The following RBMS3 variants were observed in gnomAD, a reference collection of about 807,000 sequenced individuals.
RBMS3 encodes RNA-binding motif, single-stranded-interacting protein 3.
RBMS3 carries 27 observed loss-of-function variants against 66.8 expected under a neutral mutation model. That is an observed-to-expected ratio of 0.40 (90% CI 0.30 to 0.56). RBMS3 has a LOEUF of 0.56. Among genes scored for constraint, RBMS3 ranks in the 20% least tolerant of loss-of-function variants. The pLI, the probability that RBMS3 is intolerant of heterozygous loss-of-function variation, is 0.40. For synonymous variants in RBMS3, 188 were observed against 183.0 expected (o/e 1.03, Z -0.22); for missense variants, 513 against 549.5 (o/e 0.93, Z 0.66).
intron 3 of RBMS3, among the ~76,000 whole-genome samples, chr3:29,576,923 T>C (rs1172847840): frequency 6.6e-6 from 1 of 152,200 alleles, no homozygotes; most frequent in African/African-American, 2.4e-5. Flanking sequence ...TGCTGTCTAC[T>C]AGCCTAGGCC....
chr3:29,634,267 A>T (rs1394644729), intron 4 of RBMS3, among the ~76,000 whole-genome samples: 1 of 151,924 alleles, frequency 6.6e-6, no homozygotes, highest in Admixed American at 6.6e-5. Context: ...GCAGAAACAT[A>T]CTATGTGCAA....
chr3:29,705,292 T>G (rs2052832856), intron 4 of RBMS3, among the ~76,000 whole-genome samples: 2 of 152,142 alleles, frequency 1.3e-5, no homozygotes, highest in African/African-American at 4.8e-5. Context: ...TGAAGGAAAC[T>G]CTCCAATTTA....
At chr3:29,491,374 T>G (rs2043537267) in intron 3 of RBMS3, among the ~76,000 whole-genome samples, 1 of 152,158 alleles carries the variant, frequency 6.6e-6, no homozygotes, top group Non-Finnish European at 1.5e-5. Flanking sequence ...GTGTGAAGGG[T>G]GATACAAGAC....
intron 6 of RBMS3, among the ~76,000 whole-genome samples, chr3:29,809,318 G>T (rs2057654697): frequency 6.8e-6 from 1 of 146,796 alleles, no homozygotes; most frequent in African/African-American, 2.5e-5. Context: ...TGTTTTCATT[G>T]ACAGCACTAT....
At chr3:29,353,211 A>G (rs2037025401) in intron 1 of RBMS3, among the ~76,000 whole-genome samples, 1 of 151,794 alleles carries the variant, frequency 6.6e-6, no homozygotes, top group Admixed American at 6.6e-5. Context: ...TGATTGCATT[A>G]TCTAGTACCT....
intron 4 of RBMS3, among the ~76,000 whole-genome samples, chr3:29,722,700 G>C (rs1358073148): frequency 6.6e-6 from 1 of 151,978 alleles, no homozygotes; most frequent in East Asian, 1.9e-4. Context: ...TTATTATGTA[G>C]AGCATCCCTA....
At chr3:29,982,058 CT>C (rs1257563772) in intron 12 of RBMS3, among the ~76,000 whole-genome samples, 1 of 151,964 alleles carries the variant, frequency 6.6e-6, no homozygotes, top group Non-Finnish European at 1.5e-5. Flanking sequence ...TGCTCCTGGG[CT>C]TTTTTTGTTG....
chr3:29,941,503 A>G (rs1271723804), intron 11 of RBMS3, among the ~76,000 whole-genome samples: 2 of 151,824 alleles, frequency 1.3e-5, no homozygotes, highest in Non-Finnish European at 2.9e-5. Context: ...AACAGAAAAT[A>G]TATCTAAAAA....
chr3:29,736,589 C>T (rs532969863), intron 4 of RBMS3, among the ~76,000 whole-genome samples: 1 of 152,134 alleles, frequency 6.6e-6, no homozygotes, highest in Non-Finnish European at 1.5e-5. Context: ...AATTCCAACC[C>T]ATTCATAGGA....
intron 2 of RBMS3, among the ~76,000 whole-genome samples, chr3:29,474,282 A>T (rs1422595926): frequency 6.6e-6 from 1 of 152,244 alleles, no homozygotes; most frequent in African/African-American, 2.4e-5. Context: ...TCATAGTGGT[A>T]TGGTATTCCA....
chr3:29,848,487 G>A (rs2058846098), intron 6 of RBMS3, among the ~76,000 whole-genome samples: 1 of 151,988 alleles, frequency 6.6e-6, no homozygotes, highest in South Asian at 2.1e-4. Context: ...TAAAACTTGG[G>A]GAATCCAACA....
intron 4 of RBMS3, among the ~76,000 whole-genome samples, chr3:29,598,994 C>A (rs1301850378): frequency 6.6e-6 from 1 of 151,856 alleles, no homozygotes; most frequent in Non-Finnish European, 1.5e-5. Flanking sequence ...GAACTAAATT[C>A]CATATTGGTG....
At chr3:29,314,059 G>A (rs1192106709) in intron 1 of RBMS3, among the ~76,000 whole-genome samples, 1 of 151,036 alleles carries the variant, frequency 6.6e-6, no homozygotes, top group Non-Finnish European at 1.5e-5. Context: ...TACTGTGGTG[G>A]TGGAGGTATA....
intron 6 of RBMS3, among the ~76,000 whole-genome samples, chr3:29,858,265 C>A (rs1416398792): frequency 6.6e-6 from 1 of 152,036 alleles, no homozygotes; most frequent in Non-Finnish European, 1.5e-5. Flanking sequence ...TGATATTTTT[C>A]TTCCTTGTAC....
At chr3:29,620,148 G>A (rs992616716) in intron 4 of RBMS3, among the ~76,000 whole-genome samples, 1 of 152,096 alleles carries the variant, frequency 6.6e-6, no homozygotes, top group Non-Finnish European at 1.5e-5. Flanking sequence ...AGATATTAAA[G>A]GCAAGAATAA....
intron 2 of RBMS3, among the ~76,000 whole-genome samples, chr3:29,451,695 G>T (rs1298022723): frequency 6.6e-6 from 1 of 152,068 alleles, no homozygotes; most frequent in African/African-American, 2.4e-5. Flanking sequence ...TTTCATCTTG[G>T]ATCAGAACTG....
intron 6 of RBMS3, among the ~76,000 whole-genome samples, chr3:29,861,590 G>GA (rs1315263604): frequency 6.6e-6 from 1 of 152,180 alleles, no homozygotes; most frequent in Non-Finnish European, 1.5e-5. Context: ...GAACATTTTA[G>GA]TGACTTATCA....
chr3:29,973,120 G>A (rs548663437), intron 12 of RBMS3, among the ~76,000 whole-genome samples: 63 of 152,078 alleles, frequency 4.1e-4, no homozygotes, highest in South Asian at 1.0e-3. Flanking sequence ...ATAAATGTTG[G>A]TTTGACCTTA....
At position 29,704,809 on chromosome 3, in the gene RBMS3, A is replaced by C. The variant is rs150764433; in HGVS notation, c.400-34911A>C. Among the ~76,000 whole-genome samples, 626 of 152,334 alleles carry C rather than the reference A, an allele frequency of 4.1e-3. 6 individuals carry two copies. Among genetic ancestry groups the C allele is most frequent in the African/African-American group, 0.015 (604 of 41,580 alleles). On this transcript the variant is annotated intron_variant, in intron 4 of 14. Coordinates refer to ENST00000383767, the MANE Select transcript of RBMS3 (RefSeq NM_001003793.3). ...AATGCAGATTTTTTTGACAGGAAAA[A>C]ATGTTATTGAACTTTGTTTCAACAT...
Sources: gnomAD v4.1 joint callset for allele counts (sites outside exome capture counted in the v4.1 genomes callset) on GRCh38, gnomAD v4.1.1 for gene constraint, MANE v1.5 for transcripts, NCBI Gene and HGNC (gene_info 2026-07-23, HGNC 2026-07-21) for gene names.